ZNF804B: variants seen among roughly 807,000 people sequenced by gnomAD.
ZNF804B encodes zinc finger 804B.
Under a neutral mutation model 101.4 loss-of-function variants are expected in ZNF804B, and 80 were observed. The ratio of observed to expected loss-of-function variants is 0.79; its 90% CI spans 0.66 to 0.95. The LOEUF (loss-of-function observed/expected upper bound fraction) is 0.95, where lower values mean the gene tolerates loss of function less well. ZNF804B is among the 40% of genes least tolerant of loss of function. ZNF804B has a pLI of 0.00. For synonymous variants in ZNF804B, 622 were observed against 558.8 expected, an observed-to-expected ratio of 1.11 and a Z score of -1.59; for missense variants, 1,673 against 1,561.9, an observed-to-expected ratio of 1.07 and a Z score of -1.20.
In ZNF804B at chr7:88,847,245, T is replaced by C. The variant is rs1360889418; in HGVS notation, c.108+87161T>C. Among the ~76,000 whole-genome samples the C allele has an allele frequency of 3.9e-5, 6 of 152,180 alleles. No homozygotes were observed. The East Asian group carries it at 1.2e-3, about 29-fold the overall frequency. On this transcript the variant is annotated intron_variant, in intron 1 of 3. Transcript: ENST00000333190. ...CAAAATTCTCTTCACTCTGATAGTA[T>C]TCAGTCTCATTCTGTGAGCATAACA... is the stretch of plus-strand genomic sequence containing the variant.
chr7:89,283,963 C>G (rs1160020811), intron 2 of ZNF804B, among the ~76,000 whole-genome samples: 2 of 151,956 alleles, frequency 1.3e-5, no homozygotes, highest in African/African-American at 4.8e-5. Flanking sequence ...GTCATAAATG[C>G]ATAAAATACA....
In ZNF804B at chr7:89,334,085, GC is replaced by G. The variant is rs1167089599; in HGVS notation, c.1106del (p.Pro369HisfsTer33). Reference sequence around the variant, plus strand: ...CCATGCCAAGCAAATGCTTCCTTCAGCCCACCAAACATTTACAACCATAGTG... The same window carrying G: ...CCATGCCAAGCAAATGCTTCCTTCAGCCACCAAACATTTACAACCATAGTG... ...NHPCQANASF[S>X]PPNIYNHSDA... is the part of the protein sequence containing the mutation. On this transcript the variant is annotated frameshift_variant, in exon 4 of 4. Coordinates refer to ENST00000333190, the MANE Select transcript of ZNF804B (RefSeq NM_181646.5). LOFTEE classifies it high-confidence loss of function. 1 of 1,613,606 alleles carries G rather than the reference GC, an allele frequency of 6.2e-7. No homozygotes were observed. Among genetic ancestry groups the G allele is most frequent in the Non-Finnish European group, 8.5e-7 (1 of 1,179,790 alleles).
intron 1 of ZNF804B, among the ~76,000 whole-genome samples, chr7:89,217,948 A>G (rs10952954): frequency 0.75 from 114,123 of 152,022 alleles, 44,127 homozygotes; most frequent in African/African-American, 0.91. Context: ...CAAGCTCCAG[A>G]CCAGGGCTAC....
chr7:89,230,322 A>AGG, intron 2 of ZNF804B, among the ~76,000 whole-genome samples: 1 of 150,212 alleles, frequency 6.7e-6, no homozygotes, highest in African/African-American at 2.4e-5. Flanking sequence ...AGAGAGAGAG[A>AGG]GAGAATGAGC....
At chr7:89,207,922 T>C (rs1788738874) in intron 1 of ZNF804B, among the ~76,000 whole-genome samples, 1 of 152,108 alleles carries the variant, frequency 6.6e-6, no homozygotes. Context: ...TAGTCACTCT[T>C]TTTCCTTCCT....
rs187661051 is a variant in ZNF804B at position 88,962,551 on chromosome 7, C to A, written c.108+202467C>A. Among the ~76,000 whole-genome samples, 299 of 150,704 alleles carry A rather than the reference C, an allele frequency of 2.0e-3. 1 individual carries two copies. Among genetic ancestry groups the A allele is most frequent in the African/African-American group, 6.9e-3 (285 of 41,246 alleles). ...TAGAAGGAACATTCTCCATGAATGT[C>A]TTGCTTAGGAAGTATACCTAAGAAT... On this transcript the variant is annotated intron_variant, in intron 1 of 3. Coordinates refer to ENST00000333190, the MANE Select transcript of ZNF804B (RefSeq NM_181646.5).
In ZNF804B at chr7:89,194,205, G is replaced by C. The variant is rs570470847; in HGVS notation, c.109-23950G>C. Among the ~76,000 whole-genome samples the C allele has an allele frequency of 5.1e-3, 773 of 152,158 alleles. 6 individuals are homozygous for C. Among genetic ancestry groups the C allele is most frequent in the African/African-American group, 0.018 (749 of 41,498 alleles). ...TTTGTTTGAGTTCATTGTAGATTCT[G>C]GATATTAGCCCTTTGTCGGATAAGT... is the stretch of plus-strand genomic sequence containing the variant. On this transcript the variant is annotated intron_variant, in intron 1 of 3. Transcript: ENST00000333190.
intron 1 of ZNF804B, among the ~76,000 whole-genome samples, chr7:88,844,808 T>C (rs965562461): frequency 2.6e-5 from 4 of 152,224 alleles, no homozygotes; most frequent in Admixed American, 1.3e-4. Flanking sequence ...CATATTCTTA[T>C]ATTTCCCCTG....
chr7:88,888,439 T>C (rs1383867768), intron 1 of ZNF804B, among the ~76,000 whole-genome samples: 1 of 152,044 alleles, frequency 6.6e-6, no homozygotes. Flanking sequence ...ATACAATTAG[T>C]TATCATCACC....
chr7:88,854,527 T>TTTCCTTTCCTTTCCTTTCCTTCCCTTCC (rs1791519535), intron 1 of ZNF804B, among the ~76,000 whole-genome samples: 8 of 40,072 alleles, frequency 2.0e-4, no homozygotes, highest in Admixed American at 3.1e-4. Context: ...CTTTCCTTCC[T>TTTCCTTTCCTTTCCTTTCCTTCCCTTCC]TTCCTTCCTT....
intron 3 of ZNF804B, among the ~76,000 whole-genome samples, chr7:89,328,319 TA>T (rs1247909463): frequency 6.6e-6 from 1 of 151,826 alleles, no homozygotes; most frequent in African/African-American, 2.4e-5. Context: ...CAATTATGAG[TA>T]AAAATGCAAT....
intron 1 of ZNF804B, among the ~76,000 whole-genome samples, chr7:89,158,596 C>A (rs546021633): frequency 6.6e-6 from 1 of 152,186 alleles, no homozygotes; most frequent in East Asian, 1.9e-4. Flanking sequence ...GAATAGAATA[C>A]AAATCTTCTT....
At chr7:88,786,969 G>C (rs1167027486) in intron 1 of ZNF804B, among the ~76,000 whole-genome samples, 1 of 152,086 alleles carries the variant, frequency 6.6e-6, no homozygotes, top group Non-Finnish European at 1.5e-5. Flanking sequence ...CATGGCAGCA[G>C]AATTTCTAGA....
chr7:88,934,549 G>A (rs906970431), intron 1 of ZNF804B, among the ~76,000 whole-genome samples: 3 of 151,294 alleles, frequency 2.0e-5, no homozygotes, highest in Non-Finnish European at 4.4e-5. Context: ...AAATCGGCAA[G>A]AAAAAAATAA....
intron 2 of ZNF804B, among the ~76,000 whole-genome samples, chr7:89,287,960 T>C (rs909683782): frequency 6.6e-6 from 1 of 151,542 alleles, no homozygotes; most frequent in East Asian, 1.9e-4. Flanking sequence ...TACCACTTTC[T>C]AGCAAAAGAT....
chr7:88,882,258 T>C (rs1322337440), intron 1 of ZNF804B, among the ~76,000 whole-genome samples: 2 of 151,982 alleles, frequency 1.3e-5, no homozygotes, highest in Non-Finnish European at 2.9e-5. Flanking sequence ...AAATGGCCAA[T>C]AATATATTAA....
At chr7:89,085,682 A>C (rs756561511) in intron 1 of ZNF804B, among the ~76,000 whole-genome samples, 7 of 151,892 alleles carry the variant, frequency 4.6e-5, no homozygotes, top group Admixed American at 4.6e-4. Flanking sequence ...TGTGCAAAGG[A>C]GGCACACAGC....
At chr7:88,862,743 C>G (rs1791668394) in intron 1 of ZNF804B, among the ~76,000 whole-genome samples, 1 of 152,146 alleles carries the variant, frequency 6.6e-6, no homozygotes, top group Admixed American at 6.5e-5. Context: ...TAGGTGCCAA[C>G]TATGAACCCA....
intron 1 of ZNF804B, among the ~76,000 whole-genome samples, chr7:88,788,935 G>T (rs1246127000): frequency 1.3e-5 from 2 of 152,066 alleles, no homozygotes; most frequent in Non-Finnish European, 2.9e-5. Flanking sequence ...TTCACATTCA[G>T]TTAAAAATGG....
Sources: allele counts gnomAD v4.1 joint callset (sites outside exome capture counted in the v4.1 genomes callset), GRCh38; gene constraint gnomAD v4.1.1; transcripts MANE v1.5; gene names NCBI Gene and HGNC (gene_info 2026-07-23, HGNC 2026-07-21).